RNF213: variants seen among roughly 807,000 people sequenced by gnomAD.
RNF213 encodes E3 ubiquitin-protein ligase RNF213.
A neutral mutation model predicts 514.4 loss-of-function variants in RNF213; 341 were observed. The ratio of observed to expected loss-of-function variants is 0.66; its 90% CI spans 0.61 to 0.73. The LOEUF is 0.73. Ranked by LOEUF, RNF213 falls within the 30% of genes least tolerant of loss-of-function variation. RNF213 has a pLI of 0.00. For missense variants in RNF213, 5,767 were observed against 6,615.6 expected (o/e 0.87, Z 4.45); for synonymous variants, 2,655 against 2,658.2 (o/e 1.00, Z 0.04).
intron 6 of RNF213, among the ~76,000 whole-genome samples, chr17:80,290,197 C>T (rs1263258822): frequency 1.3e-5 from 2 of 152,214 alleles, no homozygotes; most frequent in African/African-American, 2.4e-5. Flanking sequence ...TGAAGAGAGA[C>T]CTCCATGGGG....
At chr17:80,307,452 C>G (rs1052523057) in intron 13 of RNF213, among the ~76,000 whole-genome samples, 1 of 144,698 alleles carries the variant, frequency 6.9e-6, no homozygotes, top group African/African-American at 2.6e-5. Context: ...CAACTTCTAT[C>G]TCCTGGTTCA....
chr17:80,350,149 T>C (rs1044894732), intron 30 of RNF213, 152 bp from the exon 31 acceptor site: 1 of 755,312 alleles, frequency 1.3e-6, no homozygotes, highest in Non-Finnish European at 2.3e-6. Context: ...TTCCTTGGGT[T>C]TCCTCCCCTG....
In RNF213 at chr17:80,398,118, TG is replaced by T. The variant is rs1240437395; in HGVS notation, c.*4621del. 6.6e-6 allele frequency: 1 copy of T among 151,814 alleles called. No individual in the cohort carries two copies. Among genetic ancestry groups the T allele is most frequent in the African/African-American group, 2.4e-5 (1 of 41,344 alleles). The allele number at this position is 151,814 out of a possible 1,614,324, so 9.4% of individuals were successfully genotyped here. ...GTGGCCTGATCACCCACGGCGTGCC[TG>T]TACTGGCACTCTGGTTTTTGTTTTT... On this transcript the variant is annotated 3_prime_UTR_variant, in exon 68 of 68. Transcript: ENST00000582970.
chr17:80,277,265 G>A (rs551649385), intron 3 of RNF213, among the ~76,000 whole-genome samples: 1 of 151,958 alleles, frequency 6.6e-6, no homozygotes, highest in South Asian at 2.1e-4. Flanking sequence ...TGGGGAGGAG[G>A]GAGTCATTGC....
rs768224078 is a variant in RNF213, at chr17:80,376,382, G to T, written c.13267G>T (p.Val4423Leu). ...PDISRFATSL[V>L]DNSVPLLRAG... ...TATCAGCCGTTTTGCAACATCGCTC[G>T]TGGACAATTCTGTGCCATTGTTGAG... The change falls in exon 52 of 68, where the codon GTG (valine) becomes TTG (leucine). Residue 4423 changes from valine (V) to leucine (L), a missense_variant. By Grantham distance (32) the Val-to-Leu change is conservative. Around this residue, in one of 13 missense-constraint regions of RNF213, gnomAD observed 1,245 missense variants for 1,339.0 expected, o/e 0.93. Transcript: ENST00000582970. The T allele has an allele frequency of 1.9e-6, 3 of 1,614,174 alleles. No individual in the cohort carries two copies. Among genetic ancestry groups the T allele is most frequent in the Non-Finnish European group, 2.5e-6 (3 of 1,180,030 alleles).
intron 1 of RNF213, among the ~76,000 whole-genome samples, chr17:80,262,826 C>G (rs1447031712): frequency 6.6e-6 from 1 of 152,168 alleles, no homozygotes; most frequent in Non-Finnish European, 1.5e-5. Flanking sequence ...GAGGGCAGGG[C>G]CAGGGCAGGG....
chr17:80,379,063 A>ATGCGTGCT (rs1304384335), intron 54 of RNF213, among the ~76,000 whole-genome samples: 1 of 150,798 alleles, frequency 6.6e-6, no homozygotes, highest in African/African-American at 2.5e-5. Flanking sequence ...GCATGCGTGC[A>ATGCGTGCT]TGCGTGTGGT....
intron 22 of RNF213, among the ~76,000 whole-genome samples, chr17:80,335,925 C>T (rs1031814699): frequency 4.7e-5 from 7 of 149,630 alleles, no homozygotes; most frequent in African/African-American, 7.4e-5. Flanking sequence ...TGCAGTGAGC[C>T]GAGATCATGT....
chr17:80,319,861 C>T, intron 17 of RNF213: 1 of 1,161,208 alleles, frequency 8.6e-7, no homozygotes, highest in South Asian at 1.9e-5. Flanking sequence ...GCTCACATTT[C>T]CTAATTGGAC....
Position 80,381,727 on chromosome 17 carries a change from A to C in RNF213, c.13978A>C (p.Arg4660=). 1.2e-6 allele frequency: 2 copies of C among 1,612,996 alleles called. No individual in the cohort carries two copies. Among genetic ancestry groups the C allele is most frequent in the Non-Finnish European group, 1.7e-6 (2 of 1,179,790 alleles). Residue 4660 remains arginine (R), a splice_region_variant and synonymous_variant, in exon 57 of 68, where the codon AGG becomes CGG. Transcript: ENST00000582970. ...LQEQHQLSSR[R]LLNFDTELST... The stretch of plus-strand genomic sequence containing the variant: ...AGAGCAGCACCAGCTCTCTAGCAGA[A>C]GTGAGGAAAGGGGCAAGGGCTGGGC...
intron 31 of RNF213, 40 bp downstream of exon 31, chr17:80,350,436 C>A (rs2078466007): frequency 7.5e-7 from 1 of 1,326,138 alleles, no homozygotes; most frequent in Non-Finnish European, 1.1e-6. Flanking sequence ...ATGTAAAAAA[C>A]CCAAAACGTA....
At chr17:80,342,761 TTA>T (rs1368850603) in intron 26 of RNF213, among the ~76,000 whole-genome samples, 2 of 146,058 alleles carry the variant, frequency 1.4e-5, no homozygotes, top group African/African-American at 2.5e-5. Context: ...TATATATATA[TTA>T]TATATATATA....
intron 32 of RNF213, 104 bp from the exon 33 acceptor site, chr17:80,352,836 G>A (rs1418234061): frequency 1.3e-5 from 20 of 1,552,202 alleles, no homozygotes; most frequent in Admixed American, 6.7e-5. Flanking sequence ...CATTCATTGC[G>A]CAGCAAGATA....
intron 17 of RNF213, chr17:80,319,793 G>A: frequency 1.6e-6 from 2 of 1,238,036 alleles, no homozygotes; most frequent in Non-Finnish European, 2.0e-6. Context: ...CTGTCTCCCA[G>A]GAACAGTCTC....
intron 36 of RNF213, 26 bp downstream of exon 36, chr17:80,354,602 G>A (rs1301432118): frequency 1.2e-6 from 2 of 1,613,734 alleles, no homozygotes; most frequent in Non-Finnish European, 1.7e-6. Context: ...GAAGCAAGGA[G>A]TGGCTCCAAT....
rs767022210 is a variant in RNF213 at position 80,313,157 on chromosome 17, A to G, written c.2801A>G (p.Lys934Arg). The G allele has an allele frequency of 8.1e-6, 13 of 1,613,986 alleles. No homozygotes were observed. The highest frequency in any genetic ancestry group is 1.6e-4 in the Middle Eastern group (1 of 6,084). Residue 934 changes from lysine to arginine, a missense_variant, in exon 15 of 68, where the codon AAG (lysine) becomes AGG (arginine). By Grantham distance (26) the Lys-to-Arg change is conservative. Around this residue, in one of 13 missense-constraint regions of RNF213, gnomAD observed 592 missense variants for 673.9 expected, o/e 0.88. Transcript: ENST00000582970. Reference protein sequence around the residue: ...TSSGASFTYVKEIEVWRRLVE... With the variant: ...TSSGASFTYVREIEVWRRLVE... The stretch of plus-strand genomic sequence containing the variant: ...TCAGGTGCCTCATTCACATACGTCA[A>G]GGAAATTGAGGTAGGCATTTGGCCG...
intron 3 of RNF213, among the ~76,000 whole-genome samples, chr17:80,274,979 T>TG (rs1567998564): frequency 2.7e-5 from 2 of 74,652 alleles, no homozygotes; most frequent in Non-Finnish European, 5.1e-5. Context: ...GGTGTGTGTG[T>TG]TGGATGTGTG....
rs201179733 is a variant in RNF213 at position 80,347,308 on chromosome 17, T to G, written c.8973T>G (p.Asp2991Glu). 659 of 1,613,926 alleles carry G rather than the reference T, an allele frequency of 4.1e-4. 1 individual carries two copies. The highest frequency in any genetic ancestry group is 5.2e-4 in the Non-Finnish European group (616 of 1,180,044). The change falls in exon 29 of 68, where the codon GAT (aspartate) becomes GAG (glutamate). Residue 2991 changes from aspartate (D) to glutamate (E), a missense_variant. This residue lies in a region of RNF213 where 919 missense variants were observed against 1,121.0 expected (regional missense o/e 0.82). Transcript: ENST00000582970. This position sits in a 1 kb window ranked among gnomAD's most constrained non-coding sequence, Gnocchi z 7.2. ...TCCTTAGGAACTTCAGTGGCAAGGA[T>G]GACATCCAAGCTTTGGACATCTTTC... is the stretch of plus-strand genomic sequence containing the variant. ...QAVLRNFSGK[D>E]DIQALDIFLA... is the part of the protein sequence containing the mutation.
In RNF213 at chr17:80,278,849, G is replaced by A. The variant is rs1568003080; in HGVS notation, c.261+5445G>A. 8 of 1,537,122 alleles carry A rather than the reference G, an allele frequency of 5.2e-6. No homozygotes were observed. The South Asian group carries it at 8.3e-5, about 16-fold the overall frequency. On this transcript the variant is annotated intron_variant, in intron 3 of 67. Transcript: ENST00000582970. ...GCTGCTAATGCCATACCCAGCAAGA[G>A]AAGGAAGCAGGATGCAGCCCCGCTT...
Sources: gnomAD v4.1 joint callset for allele counts (sites outside exome capture counted in the v4.1 genomes callset) on GRCh38, gnomAD v4.1.1 for gene constraint, gnomAD v4.1.1 regional missense constraint, Gnocchi (gnomAD v3.1) non-coding constraint, MANE v1.5 for transcripts, NCBI Gene and HGNC (gene_info 2026-07-23, HGNC 2026-07-21) for gene names.